PARP14: variants seen among roughly 807,000 people sequenced by gnomAD.
PARP14 encodes protein mono-ADP-ribosyltransferase PARP14.
PARP14 carries 59 observed loss-of-function variants against 154.2 expected under a neutral mutation model. The observed-to-expected ratio is 0.38, with a 90% confidence interval of 0.31 to 0.48. PARP14 has a LOEUF of 0.48. Ranked by LOEUF, PARP14 falls within the 20% of genes least tolerant of loss-of-function variation. The probability of loss-of-function intolerance (pLI) is 0.98; values close to 1 mark genes in which losing one functional copy is unlikely to be tolerated. For synonymous variants in PARP14, 720 were observed against 780.5 expected, an observed-to-expected ratio of 0.92 and a Z score of 1.29; for missense variants, 1,734 against 2,131.6, an observed-to-expected ratio of 0.81 and a Z score of 3.67.
intron 2 of PARP14, 177 bp from the exon 3 acceptor site, chr3:122,686,903 A>C: frequency 1.9e-6 from 1 of 519,160 alleles, no homozygotes; most frequent in Non-Finnish European, 3.4e-6. Context: ...GATTTTTGTG[A>C]CTTGCAAGTG....
At chr3:122,720,675 A>G (rs1933142787) in intron 15 of PARP14, 1 of 462,982 alleles carries the variant, frequency 2.2e-6, no homozygotes, top group Non-Finnish European at 4.1e-6. Flanking sequence ...TGGCTTTAAA[A>G]TTGGATTTGA....
At chr3:122,716,109 A>T (rs1371847082) in intron 12 of PARP14, among the ~76,000 whole-genome samples, 1 of 152,140 alleles carries the variant, frequency 6.6e-6, no homozygotes, top group Non-Finnish European at 1.5e-5. Context: ...GGTGTATATG[A>T]GTTGAATTAA....
chr3:122,697,489 C>T (rs1001508136), intron 5 of PARP14, among the ~76,000 whole-genome samples: 11 of 152,336 alleles, frequency 7.2e-5, no homozygotes, highest in Non-Finnish European at 1.6e-4. Context: ...AACTTCTCTC[C>T]TCTTTCCAAA....
intron 13 of PARP14, 33 bp downstream of exon 13, chr3:122,718,310 A>C (rs750359756): frequency 1.2e-6 from 2 of 1,612,816 alleles, no homozygotes; most frequent in South Asian, 2.2e-5. Context: ...ATGCATGTTC[A>C]TAACGTTGAT....
chr3:122,716,667 G>A (rs1303609535), intron 12 of PARP14, among the ~76,000 whole-genome samples: 1 of 152,068 alleles, frequency 6.6e-6, no homozygotes, highest in Non-Finnish European at 1.5e-5. Flanking sequence ...TCTTCATTCT[G>A]GCCTCCTCTT....
chr3:122,695,668 A>G lies in PARP14; in HGVS notation c.835+6A>G, dbSNP rs778392620. On this transcript the variant is annotated splice_donor_region_variant and intron_variant, in intron 5 of 16. Transcript: ENST00000474629. ...TGAATTTTTTGACAGAAAAGGTAATATTTATTAACCTGTCATACCTGGCAT... is the reference window on the plus strand; with the variant it reads ...TGAATTTTTTGACAGAAAAGGTAATGTTTATTAACCTGTCATACCTGGCAT... 2.9e-6 allele frequency: 4 copies of G among 1,371,550 alleles called. No individual in the cohort carries two copies. The highest frequency in any genetic ancestry group is 1.2e-5 in the South Asian group (1 of 83,654). The allele number at this position is 1,371,550 out of a possible 1,614,324, so 85.0% of individuals were successfully genotyped here.
chr3:122,704,441 T>G, intron 7 of PARP14, 86 bp from the exon 8 acceptor site: 1 of 777,842 alleles, frequency 1.3e-6, no homozygotes, highest in South Asian at 1.8e-5. Flanking sequence ...AGTATTCAAG[T>G]TCACAAAGTT....
chr3:122,683,053 A>G (rs1188107122), intron 1 of PARP14, among the ~76,000 whole-genome samples: 1 of 152,084 alleles, frequency 6.6e-6, no homozygotes, highest in African/African-American at 2.4e-5. Flanking sequence ...GACTCCATCT[A>G]AAACAAAACA....
intron 3 of PARP14, among the ~76,000 whole-genome samples, chr3:122,687,686 A>G (rs896480708): frequency 2.0e-5 from 3 of 152,234 alleles, no homozygotes; most frequent in African/African-American, 2.4e-5. Context: ...GTGGACTCCA[A>G]TGCTCAACTA....
Position 122,695,678 on chromosome 3 carries a change from C to A in PARP14, c.835+16C>A. On this transcript the variant is annotated intron_variant, in intron 5 of 16. Transcript: ENST00000474629. ...GACAGAAAAGGTAATATTTATTAAC[C>A]TGTCATACCTGGCATAATCTAGGCC... is the stretch of plus-strand genomic sequence containing the variant. The A allele has an allele frequency of 1.7e-6, 2 of 1,183,838 alleles. No homozygotes were observed. Among genetic ancestry groups the A allele is most frequent in the Non-Finnish European group, 2.5e-6 (2 of 800,500 alleles). 73.3% of individuals were successfully genotyped at this position (1,183,838 alleles called of 1,614,324 possible).
rs146958717 is a variant in PARP14 at position 122,684,727 on chromosome 3, C to T, written c.188-458C>T. Among the ~76,000 whole-genome samples, 1,027 of 152,260 alleles carry T rather than the reference C, an allele frequency of 6.7e-3. 8 individuals carry two copies. Among genetic ancestry groups the T allele is most frequent in the Non-Finnish European group, 0.012 (838 of 68,026 alleles). On this transcript the variant is annotated intron_variant, in intron 1 of 16. Transcript: ENST00000474629. ...ACCTAGCCACCTTCCTAAAACGTGA[C>T]TTTCATCATGGCATGTCCCAGTACC... is the stretch of plus-strand genomic sequence containing the variant.
At position 122,699,433 on chromosome 3, in the gene PARP14, G is replaced by T; in HGVS notation, c.879G>T (p.Met293Ile). 1 of 1,611,412 alleles carries T rather than the reference G, an allele frequency of 6.2e-7. No homozygotes were observed. Among genetic ancestry groups the T allele is most frequent in the Non-Finnish European group, 8.5e-7 (1 of 1,178,832 alleles). ...IMATKLDFNKMPLSVFPYYAS... is the reference protein window; with the variant it reads ...IMATKLDFNKIPLSVFPYYAS... The stretch of plus-strand genomic sequence containing the variant: ...CCACAAAACTCGACTTCAATAAAAT[G>T]CCACTTTCTGTGTTCCCATACTATG... Residue 293 changes from methionine to isoleucine, a missense_variant, in exon 6 of 17, where the codon ATG becomes ATT. Coordinates refer to ENST00000474629, the MANE Select transcript of PARP14 (RefSeq NM_017554.3).
Position 122,717,986 on chromosome 3 carries a change from T to C in PARP14, c.4001-85T>C, listed in dbSNP as rs886843768. 3.7e-4 allele frequency: 361 copies of C among 984,898 alleles called. 1 individual carries two copies. Among genetic ancestry groups the C allele is most frequent in the Non-Finnish European group, 4.6e-4 (295 of 638,514 alleles). The allele number at this position is 984,898 out of a possible 1,614,324, so 61.0% of individuals were successfully genotyped here. The stretch of plus-strand genomic sequence containing the variant: ...AATTGAGGAGTGGGCATTTATTCTC[T>C]GAGCATTGGAAACCCTAATTTATTC... On this transcript the variant is annotated intron_variant, in intron 12 of 16. Transcript: ENST00000474629.
In PARP14 at chr3:122,728,485, A is replaced by G; in HGVS notation, c.5294A>G (p.Asn1765Ser). The G allele has an allele frequency of 6.2e-7, 1 of 1,613,884 alleles. No homozygotes were observed. Among genetic ancestry groups the G allele is most frequent in the South Asian group, 1.1e-5 (1 of 91,084 alleles). The change falls in exon 17 of 17, where the codon AAT becomes AGT. Residue 1765 changes from asparagine (N) to serine (S), a missense_variant. Transcript: ENST00000474629. Reference protein sequence around the residue: ...LIVPPSKNPQNPTDLYDTVTD... With the variant: ...LIVPPSKNPQSPTDLYDTVTD... ...GTGCCTCCTTCAAAGAACCCTCAAA[A>G]TCCTACTGACCTGTATGACACTGTC...
intron 9 of PARP14, among the ~76,000 whole-genome samples, chr3:122,709,203 CCT>C (rs1254106932): frequency 6.6e-6 from 1 of 151,758 alleles, no homozygotes; most frequent in Non-Finnish European, 1.5e-5. Flanking sequence ...CCCTCATCCC[CCT>C]CTCAACCTTC....
chr3:122,687,843 C>T lies in PARP14; in HGVS notation c.355+730C>T, dbSNP rs146949003. The stretch of plus-strand genomic sequence containing the variant: ...AGATAAAGTGGTACATATACCTAAA[C>T]CTTAAGGAAAATGAACAATGTATAA... On this transcript the variant is annotated intron_variant, in intron 3 of 16. Coordinates refer to ENST00000474629, the MANE Select transcript of PARP14 (RefSeq NM_017554.3). 3.1e-3 allele frequency among the ~76,000 whole-genome samples: 477 copies of T among 152,302 alleles called. 3 individuals are homozygous for T. The highest frequency in any genetic ancestry group is 0.011 in the African/African-American group (451 of 41,562).
intron 15 of PARP14, among the ~76,000 whole-genome samples, chr3:122,723,480 A>G (rs1203440391): frequency 6.6e-6 from 1 of 152,192 alleles, no homozygotes; most frequent in Non-Finnish European, 1.5e-5. Flanking sequence ...TTTTTGTGGA[A>G]GAATCCATGC....
Position 122,718,860 on chromosome 3 carries a change from A to T in PARP14, c.4709A>T (p.Lys1570Ile), listed in dbSNP as rs1301262556. ...GAAAAGAAAAAAACAGTTGATGTCA[A>T]AATTAATCATCGGCACTACACAGTG... ...RREKKKTVDV[K>I]INHRHYTVNL... is the part of the protein sequence containing the mutation. The change falls in exon 14 of 17, where the codon AAA (lysine) becomes ATA (isoleucine). Residue 1570 changes from lysine (K) to isoleucine (I), a missense_variant. Lys to Ile is a moderately radical substitution (Grantham distance 102). This residue lies in a region of PARP14 where 1,646 missense variants were observed against 1,976.0 expected (regional missense o/e 0.83). Coordinates refer to ENST00000474629, the MANE Select transcript of PARP14 (RefSeq NM_017554.3). 2.5e-6 allele frequency: 4 copies of T among 1,614,006 alleles called. No homozygotes were observed. Among genetic ancestry groups the T allele is most frequent in the Non-Finnish European group, 3.4e-6 (4 of 1,179,866 alleles).
At chr3:122,682,071 A>G (rs1938226608) in intron 1 of PARP14, among the ~76,000 whole-genome samples, 1 of 152,212 alleles carries the variant, frequency 6.6e-6, no homozygotes, top group Non-Finnish European at 1.5e-5. Context: ...TGAAACAGAA[A>G]AAGAATGGCG....
Sources: gnomAD v4.1 joint callset for allele counts (sites outside exome capture counted in the v4.1 genomes callset) on GRCh38, gnomAD v4.1.1 for gene constraint, gnomAD v4.1.1 regional missense constraint, MANE v1.5 for transcripts, NCBI Gene and HGNC (gene_info 2026-07-23, HGNC 2026-07-21) for gene names.